Variants in KDM6B observed in about 807,000 individuals in gnomAD.
KDM6B encodes lysine demethylase 6B.
A neutral mutation model predicts 150.4 loss-of-function variants in KDM6B; 22 were observed. That is an observed-to-expected ratio of 0.15 (90% CI 0.10 to 0.21). The LOEUF is 0.21. KDM6B is among the 10% of genes least tolerant of loss of function. The pLI, the probability that KDM6B is intolerant of heterozygous loss-of-function variation, is 1.00. For synonymous variants in KDM6B, 1,148 were observed against 921.1 expected (o/e 1.25, Z -4.46); for missense variants, 1,984 against 2,234.3 (o/e 0.89, Z 2.26).
Position 7,845,566 on chromosome 17 carries a change from A to G in KDM6B, c.12A>G (p.Ala4=). 2 of 1,614,160 alleles carry G rather than the reference A, an allele frequency of 1.2e-6. No homozygotes were observed. The highest frequency in any genetic ancestry group is 1.7e-6 in the Non-Finnish European group (2 of 1,180,020). The part of the protein sequence containing the change: MHR[A]VDPPGARAAR... ...CCAACTCAGGCTGGATGCATCGGGC[A>G]GTGGACCCTCCAGGGGCCCGCGCTG... The change falls in exon 5 of 24, where the codon GCA becomes GCG. Residue 4 remains alanine (A), a synonymous_variant. Coordinates refer to ENST00000448097, the MANE Select transcript of KDM6B (RefSeq NM_001348716.2).
At chr17:7,836,443 G>A (rs1418828544) in intron 1 of KDM6B, among the ~76,000 whole-genome samples, 1 of 152,226 alleles carries the variant, frequency 6.6e-6, no homozygotes, top group East Asian at 1.9e-4. Context: ...CGGGAGAGTT[G>A]GGGACCCAGA....
Position 7,853,830 on chromosome 17 carries a change from C to G in KDM6B, c.*309C>G. On this transcript the variant is annotated 3_prime_UTR_variant, in exon 24 of 24. Transcript: ENST00000448097. ...CACAAGGACCAGGCTCCGGCGGCGGCGGGGGTCACATACGGGTTCCCTCAC... is the reference window on the plus strand; with the variant it reads ...CACAAGGACCAGGCTCCGGCGGCGGGGGGGGTCACATACGGGTTCCCTCAC... The G allele has an allele frequency of 4.5e-6, 1 of 219,924 alleles. No homozygotes were observed. Among genetic ancestry groups the G allele is most frequent in the Non-Finnish European group, 8.8e-6 (1 of 113,002 alleles). The allele number at this position is 219,924 out of a possible 1,614,324, so 13.6% of individuals were successfully genotyped here.
chr17:7,847,399 A>G lies in KDM6B; in HGVS notation c.1204A>G (p.Ser402Gly). 1.2e-6 allele frequency: 2 copies of G among 1,613,468 alleles called. No homozygotes were observed. The highest frequency in any genetic ancestry group is 1.7e-6 in the Non-Finnish European group (2 of 1,179,904). Residue 402 changes from serine (S) to glycine (G), a missense_variant, in exon 11 of 24, where the codon AGT becomes GGT. Ser to Gly is a moderately conservative substitution (Grantham distance 56). This residue lies in a region of KDM6B where 1,379 missense variants were observed against 1,275.6 expected (regional missense o/e 1.08). Transcript: ENST00000448097. ...CCCCGGCACCACCACCAGCAGCAGC[A>G]GTAGCAGCAGCAGCAACACTGGTCT... ...GLPGTTTSSSSSSSSNTGLRG... is the reference protein window; with the variant it reads ...GLPGTTTSSSGSSSSNTGLRG...
chr17:7,836,916 C>T (rs1306539000), intron 1 of KDM6B, among the ~76,000 whole-genome samples: 1 of 152,170 alleles, frequency 6.6e-6, no homozygotes, highest in Non-Finnish European at 1.5e-5. Flanking sequence ...AGGCTTCCTC[C>T]CCCTTCTATT....
chr17:7,847,572 CGCGCTG>C lies in KDM6B; in HGVS notation c.1286_1291del (p.Ala429_Leu430del), dbSNP rs1567793203. On this transcript the variant is annotated inframe_deletion, in exon 12 of 24. Coordinates refer to ENST00000448097, the MANE Select transcript of KDM6B (RefSeq NM_001348716.2). ...CCGGCGCTGACCATTACCAAACTCCCGCGCTGGAGGTCTCTCACCATGGCCGCCTGG... is the reference window on the plus strand; with the variant it reads ...CCGGCGCTGACCATTACCAAACTCCCGAGGTCTCTCACCATGGCCGCCTGG... The C allele has an allele frequency of 6.2e-7, 1 of 1,613,338 alleles. No homozygotes were observed. The highest frequency in any genetic ancestry group is 1.7e-5 in the Admixed American group (1 of 60,006).
rs891380681 is a variant in KDM6B, at chr17:7,848,091, C to T, written c.1803C>T (p.Pro601=). The change falls in exon 12 of 24, where the codon CCC becomes CCT. Residue 601 remains proline (P), a synonymous_variant. Transcript: ENST00000448097. The part of the protein sequence containing the change: ...AQNPQDPPLV[P]LTLALPPAPP... ...ACCCCCAGGACCCACCTCTTGTACC[C>T]CTGACTCTTGCCCTGCCTCCAGCCC... 1.4e-5 allele frequency: 23 copies of T among 1,612,778 alleles called. No homozygotes were observed. The highest frequency in any genetic ancestry group is 1.9e-5 in the Non-Finnish European group (22 of 1,179,712).
chr17:7,845,663 C>T lies in KDM6B; in HGVS notation c.109C>T (p.Pro37Ser), dbSNP rs561573131. 6.2e-7 allele frequency: 1 copy of T among 1,614,206 alleles called. No homozygotes were observed. The highest frequency in any genetic ancestry group is 1.1e-5 in the South Asian group (1 of 91,092). ...GAGCTCCTGCCCGCCTCATCCCCCT[C>T]CTCGTAGCGCATGGCTGCCTGGAGG... is the stretch of plus-strand genomic sequence containing the variant. The part of the protein sequence containing the change: ...AWSSCPPHPP[P>S]RSAWLPGGRC... Residue 37 changes from proline to serine, a missense_variant, in exon 5 of 24, where the codon CCT (proline) becomes TCT (serine). Physicochemically the swap from Pro to Ser is moderately conservative, Grantham distance 74 (BLOSUM62 -1). Coordinates refer to ENST00000448097, the MANE Select transcript of KDM6B (RefSeq NM_001348716.2).
At position 7,848,808 on chromosome 17, in the gene KDM6B, C is replaced by A. The variant is rs770165492; in HGVS notation, c.2520C>A (p.Gly840=). The A allele has an allele frequency of 6.2e-7, 1 of 1,612,630 alleles. No individual in the cohort carries two copies. The highest frequency in any genetic ancestry group is 1.3e-5 in the African/African-American group (1 of 74,932). ...GPLPTTQYSP[G]PPSGATALPP... is the part of the protein sequence containing the mutation. ...TGCCCACCACTCAGTATTCCCCTGG[C>A]CCCCCATCAGGTGCTACCGCCCTGC... Residue 840 remains glycine, a synonymous_variant, in exon 12 of 24, where the codon GGC becomes GGA. Transcript: ENST00000448097.
chr17:7,835,783 C>T (rs1461452603), intron 1 of KDM6B, among the ~76,000 whole-genome samples: 2 of 151,796 alleles, frequency 1.3e-5, no homozygotes, highest in African/African-American at 4.8e-5. Context: ...CGAGCACCCC[C>T]TTGCGCCTGC....
intron 1 of KDM6B, among the ~76,000 whole-genome samples, chr17:7,836,699 C>T (rs1045896831): frequency 6.6e-6 from 1 of 152,236 alleles, no homozygotes; most frequent in Admixed American, 6.5e-5. Context: ...GGATTGGAGT[C>T]GTATTAGGGG....
chr17:7,835,372 C>G (rs1364101141), intron 1 of KDM6B, among the ~76,000 whole-genome samples: 1 of 151,952 alleles, frequency 6.6e-6, no homozygotes, highest in African/African-American at 2.4e-5. Flanking sequence ...GGGCAGGACG[C>G]CTGGTTCCCG....
rs1207353089 is a variant in KDM6B, at chr17:7,843,728, T to C, written c.-268-1173T>C. The stretch of plus-strand genomic sequence containing the variant: ...GTACTCGACACTCGCCTCTCGCTGC[T>C]CTTTGTACTCTAGACTCTCAATGGA... On this transcript the variant is annotated intron_variant, in intron 2 of 23. Coordinates refer to ENST00000448097, the MANE Select transcript of KDM6B (RefSeq NM_001348716.2). The surrounding 1 kb of genome is among the most constrained non-coding windows in gnomAD (Gnocchi z 4.5). Among the ~76,000 whole-genome samples the C allele has an allele frequency of 6.6e-6, 1 of 151,834 alleles. No homozygotes were observed. Among genetic ancestry groups the C allele is most frequent in the Non-Finnish European group, 1.5e-5 (1 of 67,944 alleles).
rs762175933 is a variant in KDM6B, at chr17:7,846,571, G to A, written c.550-8G>A. Reference sequence around the variant, plus strand: ...GTGCCATTTTCTCTTCTCTCTTTTTGTTCTCAGCACAAACGGAACTATGGA... The same window carrying A: ...GTGCCATTTTCTCTTCTCTCTTTTTATTCTCAGCACAAACGGAACTATGGA... On this transcript the variant is annotated splice_region_variant and splice_polypyrimidine_tract_variant and intron_variant, in intron 8 of 23. Coordinates refer to ENST00000448097, the MANE Select transcript of KDM6B (RefSeq NM_001348716.2). 6.2e-7 allele frequency: 1 copy of A among 1,614,062 alleles called. No homozygotes were observed. The highest frequency in any genetic ancestry group is 1.1e-5 in the South Asian group (1 of 91,086).
At position 7,848,392 on chromosome 17, in the gene KDM6B, C is replaced by T. The variant is rs958709948; in HGVS notation, c.2104C>T (p.Leu702=). The T allele has an allele frequency of 6.2e-6, 10 of 1,612,956 alleles. No homozygotes were observed. The highest frequency in any genetic ancestry group is 8.5e-6 in the Non-Finnish European group (10 of 1,180,026). The part of the protein sequence containing the change: ...PDGLANIMKM[L]DESIRKEEEQ... Reference sequence around the variant, plus strand: ...TGGGCTGGCCAACATCATGAAGATGCTGGACGAATCCATTCGCAAGGAAGA... The same window carrying T: ...TGGGCTGGCCAACATCATGAAGATGTTGGACGAATCCATTCGCAAGGAAGA... Residue 702 remains leucine, a synonymous_variant, in exon 12 of 24, where the codon CTG becomes TTG. Coordinates refer to ENST00000448097, the MANE Select transcript of KDM6B (RefSeq NM_001348716.2).
At chr17:7,850,301 G>T in intron 14 of KDM6B, 124 bp downstream of exon 14, 3 of 752,474 alleles carry the variant, frequency 4.0e-6, no homozygotes, top group Non-Finnish European at 4.4e-6. Flanking sequence ...TGAGTGATGG[G>T]TCTGCTGGCC....
At chr17:7,846,371 G>GGGGGGGC in intron 7 of KDM6B, 29 bp from the exon 8 acceptor site, 5 of 1,488,886 alleles carry the variant, frequency 3.4e-6, no homozygotes, top group Non-Finnish European at 4.6e-6. Context: ...CCTGACATCT[G>GGGGGGGC]CCCCTGCCCC....
rs59627144 is a variant in KDM6B, at chr17:7,848,540, TCACCACCACCAC to T, written c.2274_2285del (p.Thr759_Thr762del). The T allele has an allele frequency of 1.9e-4, 296 of 1,575,936 alleles. No individual in the cohort carries two copies. The highest frequency in any genetic ancestry group is 6.4e-4 in the South Asian group (57 of 88,848). ...ACCACTACTGCTCCTGCTGTCGCCG[TCACCACCACCAC>T]CACCACCACCACCACCACCACGGCC... On this transcript the variant is annotated inframe_deletion, in exon 12 of 24. Coordinates refer to ENST00000448097, the MANE Select transcript of KDM6B (RefSeq NM_001348716.2).
chr17:7,838,743 A>G (rs1019817746), intron 1 of KDM6B, among the ~76,000 whole-genome samples: 13 of 151,264 alleles, frequency 8.6e-5, no homozygotes, highest in African/African-American at 2.9e-4. Context: ...CTATAGATAC[A>G]CACTCTCTGC....
At chr17:7,836,955 C>G (rs1234129918) in intron 1 of KDM6B, among the ~76,000 whole-genome samples, 1 of 152,168 alleles carries the variant, frequency 6.6e-6, no homozygotes, top group Non-Finnish European at 1.5e-5. Context: ...GAGTCCAGTT[C>G]CAGTCCCGTG....
Sources: gnomAD v4.1 joint callset for allele counts (sites outside exome capture counted in the v4.1 genomes callset) on GRCh38, gnomAD v4.1.1 for gene constraint, gnomAD v4.1.1 regional missense constraint, Gnocchi (gnomAD v3.1) non-coding constraint, MANE v1.5 for transcripts, NCBI Gene and HGNC (gene_info 2026-07-23, HGNC 2026-07-21) for gene names.